Variants in FILIP1L observed in about 807,000 individuals in gnomAD.
The protein encoded by FILIP1L is filamin A-interacting protein 1-like.
FILIP1L carries 55 observed loss-of-function variants against 96.6 expected under a neutral mutation model. The observed-to-expected ratio is 0.57, with a 90% CI of 0.46 to 0.71. The LOEUF (loss-of-function observed/expected upper bound fraction) is 0.71. Among genes scored for constraint, FILIP1L ranks in the 30% least tolerant of loss-of-function variants. FILIP1L has a pLI of 0.00. For missense variants in FILIP1L, 1,304 were observed against 1,321.2 expected, an observed-to-expected ratio of 0.99 and a Z score of 0.20; for synonymous variants, 467 against 473.9, an observed-to-expected ratio of 0.99 and a Z score of 0.19.
intron 4 of FILIP1L, among the ~76,000 whole-genome samples, chr3:99,920,721 G>A (rs1241793838): frequency 6.6e-6 from 1 of 152,166 alleles, no homozygotes; most frequent in Non-Finnish European, 1.5e-5. Flanking sequence ...ACATCACTTG[G>A]CAAACATTTT....
chr3:100,079,023 A>G (rs1459415660), intron 1 of FILIP1L, among the ~76,000 whole-genome samples: 1 of 152,228 alleles, frequency 6.6e-6, no homozygotes, highest in Non-Finnish European at 1.5e-5. Flanking sequence ...ACTAGGTTCA[A>G]CTAGATGGCT....
At chr3:100,042,058 A>G (rs1026462803) in intron 1 of FILIP1L, among the ~76,000 whole-genome samples, 10 of 152,040 alleles carry the variant, frequency 6.6e-5, no homozygotes, top group African/African-American at 2.4e-4. Flanking sequence ...TTATTTTGCC[A>G]TAAGCTCTGG....
intron 1 of FILIP1L, among the ~76,000 whole-genome samples, chr3:100,070,604 C>T (rs1164000887): frequency 6.6e-6 from 1 of 152,038 alleles, no homozygotes. Context: ...ATAAAGACTT[C>T]ATATCATCGT....
At chr3:99,915,197 A>C (rs1425376051) in intron 4 of FILIP1L, among the ~76,000 whole-genome samples, 1 of 152,172 alleles carries the variant, frequency 6.6e-6, no homozygotes, top group Non-Finnish European at 1.5e-5. Context: ...ATGCTAACCG[A>C]AGGGAATGAA....
At chr3:99,864,736 A>G (rs1374644794) in intron 4 of FILIP1L, among the ~76,000 whole-genome samples, 2 of 151,880 alleles carry the variant, frequency 1.3e-5, no homozygotes, top group East Asian at 1.9e-4. Flanking sequence ...CTTCTTTGCT[A>G]TTCCTCAAAC....
chr3:99,850,209 A>G lies in FILIP1L; in HGVS notation c.1467T>C (p.Asp489=). Residue 489 remains aspartate, a synonymous_variant, in exon 5 of 6, where the codon GAT becomes GAC. Coordinates refer to ENST00000477258, the MANE Select transcript of FILIP1L (RefSeq NM_001387850.1). ...LEKTEFTLKE[D]LTKLKTLTVM... Reference sequence around the variant, plus strand: ...CAGTTAATGTTTTCAGTTTAGTTAAATCCTCTTTTAGAGTGAATTCTGTCT... The same window carrying G: ...CAGTTAATGTTTTCAGTTTAGTTAAGTCCTCTTTTAGAGTGAATTCTGTCT... The G allele has an allele frequency of 5.6e-6, 9 of 1,613,074 alleles. No homozygotes were observed. The highest frequency in any genetic ancestry group is 7.6e-6 in the Non-Finnish European group (9 of 1,179,946).
At chr3:99,917,447 G>T (rs990224858) in intron 4 of FILIP1L, among the ~76,000 whole-genome samples, 3 of 152,216 alleles carry the variant, frequency 2.0e-5, no homozygotes, top group South Asian at 4.2e-4. Flanking sequence ...CAAATATATT[G>T]TCAGGAGAGC....
At chr3:100,098,934 A>G (rs2066258695) in intron 1 of FILIP1L, among the ~76,000 whole-genome samples, 1 of 152,224 alleles carries the variant, frequency 6.6e-6, no homozygotes, top group Admixed American at 6.5e-5. Context: ...GATTATAAAT[A>G]ATGCCAGTTA....
intron 4 of FILIP1L, among the ~76,000 whole-genome samples, chr3:99,897,818 A>G (rs1706307667): frequency 6.6e-6 from 1 of 152,248 alleles, no homozygotes; most frequent in African/African-American, 2.4e-5. Flanking sequence ...GAACTCCACT[A>G]CAGAGAATCT....
intron 1 of FILIP1L, among the ~76,000 whole-genome samples, chr3:100,033,090 A>G (rs201542336): frequency 6.6e-6 from 1 of 152,116 alleles, no homozygotes; most frequent in Non-Finnish European, 1.5e-5. Flanking sequence ...CAGGAAAACT[A>G]TCTTCAACTA....
intron 1 of FILIP1L, among the ~76,000 whole-genome samples, chr3:99,987,880 T>C (rs1349306547): frequency 6.6e-6 from 1 of 152,228 alleles, no homozygotes; most frequent in Non-Finnish European, 1.5e-5. Context: ...CAAACAATAA[T>C]GCACATAGTT....
intron 4 of FILIP1L, among the ~76,000 whole-genome samples, chr3:99,891,062 T>G (rs996744911): frequency 6.9e-6 from 1 of 145,884 alleles, no homozygotes; most frequent in Non-Finnish European, 1.5e-5. Context: ...TTTGTTTTTG[T>G]TTTTTTTTCA....
intron 5 of FILIP1L, chr3:99,833,063 C>T (rs1322236359): frequency 1.6e-6 from 1 of 640,218 alleles, no homozygotes; most frequent in Non-Finnish European, 2.8e-6. Context: ...AGTGAATGTT[C>T]TACTCAGAGT....
chr3:99,916,339 A>G (rs1706949073), intron 4 of FILIP1L, among the ~76,000 whole-genome samples: 1 of 152,126 alleles, frequency 6.6e-6, no homozygotes, highest in Non-Finnish European at 1.5e-5. Context: ...TTTCGGCTAC[A>G]TGACTGGCTT....
At chr3:99,932,847 C>T (rs914653282) in intron 1 of FILIP1L, among the ~76,000 whole-genome samples, 3 of 152,252 alleles carry the variant, frequency 2.0e-5, no homozygotes, top group African/African-American at 4.8e-5. Flanking sequence ...GCCAAGATCG[C>T]GCCCGGCACT....
chr3:100,036,189 G>T (rs1420318066), intron 1 of FILIP1L, among the ~76,000 whole-genome samples: 2 of 152,122 alleles, frequency 1.3e-5, no homozygotes, highest in Admixed American at 1.3e-4. Context: ...AACTAAAAAG[G>T]TCTAGAATCA....
chr3:99,998,848 C>T (rs1186359639), intron 1 of FILIP1L, among the ~76,000 whole-genome samples: 5 of 152,204 alleles, frequency 3.3e-5, no homozygotes, highest in African/African-American at 7.2e-5. Flanking sequence ...GGATTACAGG[C>T]GTGAGCCACC....
At chr3:100,097,957 G>A (rs1480220584) in intron 1 of FILIP1L, among the ~76,000 whole-genome samples, 1 of 152,136 alleles carries the variant, frequency 6.6e-6, no homozygotes, top group Non-Finnish European at 1.5e-5. Flanking sequence ...TTCATCAACG[G>A]TAGCATATCT....
intron 1 of FILIP1L, among the ~76,000 whole-genome samples, chr3:100,106,938 C>G (rs543288420): frequency 1.3e-5 from 2 of 152,140 alleles, no homozygotes; most frequent in Non-Finnish European, 2.9e-5. Context: ...ATTTTCTGGT[C>G]AGTAGATGAA....
Sources: allele counts gnomAD v4.1 joint callset (sites outside exome capture counted in the v4.1 genomes callset), GRCh38; gene constraint gnomAD v4.1.1; transcripts MANE v1.5; gene names NCBI Gene and HGNC (gene_info 2026-07-23, HGNC 2026-07-21).